SLC24A3: variants seen among roughly 807,000 people sequenced by gnomAD.
SLC24A3 encodes solute carrier family 24 member 3, also known as sodium/potassium/calcium exchanger 3.
Under a neutral mutation model 75.8 loss-of-function variants are expected in SLC24A3, and 28 were observed. That is an observed-to-expected ratio of 0.37 (90% CI 0.27 to 0.51). SLC24A3 has a LOEUF of 0.51. Ranked by LOEUF, SLC24A3 falls within the 20% of genes least tolerant of loss-of-function variation. The pLI is 0.94. For missense variants in SLC24A3, 663 were observed against 847.8 expected (o/e 0.78, Z 2.71); for synonymous variants, 372 against 334.1 (o/e 1.11, Z -1.24).
intron 1 of SLC24A3, among the ~76,000 whole-genome samples, chr20:19,275,300 C>T (rs140491663): frequency 1.3e-5 from 2 of 152,280 alleles, no homozygotes; most frequent in East Asian, 1.9e-4. Flanking sequence ...CATCAGCATT[C>T]CCTGCAAGAG....
chr20:19,715,335 G>A (rs986355277), intron 15 of SLC24A3, among the ~76,000 whole-genome samples: 8 of 152,226 alleles, frequency 5.3e-5, no homozygotes, highest in Non-Finnish European at 1.0e-4. Context: ...GGTTGAGTGT[G>A]TGCATGAAGT....
At chr20:19,336,258 G>A (rs1985130992) in intron 2 of SLC24A3, among the ~76,000 whole-genome samples, 1 of 152,194 alleles carries the variant, frequency 6.6e-6, no homozygotes, top group South Asian at 2.1e-4. Flanking sequence ...AGACACACCT[G>A]TTGGTTTATG....
chr20:19,577,711 TA>T (rs571803453), intron 3 of SLC24A3, among the ~76,000 whole-genome samples: 5 of 152,300 alleles, frequency 3.3e-5, no homozygotes, highest in Non-Finnish European at 7.4e-5. Context: ...GATTATTTAA[TA>T]AAAAAAGACA....
intron 3 of SLC24A3, among the ~76,000 whole-genome samples, chr20:19,560,753 G>T (rs1192724935): frequency 6.6e-6 from 1 of 152,146 alleles, no homozygotes; most frequent in Non-Finnish European, 1.5e-5. Context: ...AGCCCCCACT[G>T]ACCAGACTCT....
intron 3 of SLC24A3, among the ~76,000 whole-genome samples, chr20:19,569,269 A>G (rs140162847): frequency 6.2e-4 from 95 of 152,262 alleles, no homozygotes; most frequent in African/African-American, 2.2e-3. Flanking sequence ...GATGCTTTGC[A>G]CGTACTTGTT....
At chr20:19,449,290 C>T (rs1207720288) in intron 2 of SLC24A3, among the ~76,000 whole-genome samples, 3 of 152,142 alleles carry the variant, frequency 2.0e-5, no homozygotes, top group Admixed American at 6.5e-5. Context: ...GAGAGAGCTC[C>T]GAGGCAGGAA....
chr20:19,380,959 G>T (rs1379256837), intron 2 of SLC24A3, among the ~76,000 whole-genome samples: 2 of 152,104 alleles, frequency 1.3e-5, no homozygotes, highest in African/African-American at 4.8e-5. Flanking sequence ...AATTAGCCAG[G>T]CCAGGACACA....
intron 9 of SLC24A3, among the ~76,000 whole-genome samples, chr20:19,675,192 G>A (rs1314685300): frequency 6.6e-6 from 1 of 152,194 alleles, no homozygotes; most frequent in African/African-American, 2.4e-5. Flanking sequence ...ATGCAGAGAT[G>A]TTCTGTGCTG....
rs144139786 is a variant in SLC24A3, at chr20:19,304,345, G to A, written c.271+23258G>A. On this transcript the variant is annotated intron_variant, in intron 2 of 16. Transcript: ENST00000328041. Reference sequence around the variant, plus strand: ...TCAGGGGCAATTTGCGTAACTTCTCGTAGTTTCCTCATCTTTCAAAGCAGA... The same window carrying A: ...TCAGGGGCAATTTGCGTAACTTCTCATAGTTTCCTCATCTTTCAAAGCAGA... 9.2e-5 allele frequency among the ~76,000 whole-genome samples: 14 copies of A among 152,024 alleles called. No homozygotes were observed. The East Asian group carries it at 1.2e-3, about 13-fold the overall frequency.
At chr20:19,568,582 TG>T (rs2030999222) in intron 3 of SLC24A3, among the ~76,000 whole-genome samples, 1 of 152,130 alleles carries the variant, frequency 6.6e-6, no homozygotes. Flanking sequence ...AGGAGAATGA[TG>T]GTTACCAGAG....
In SLC24A3 at chr20:19,339,826, A is replaced by G. The variant is rs191019408; in HGVS notation, c.271+58739A>G. On this transcript the variant is annotated intron_variant, in intron 2 of 16. Transcript: ENST00000328041. ...TGATAAATTAGGCTTAACCAACAGC[A>G]CATTGGGTAGAGAGAAGAAGGGAGG... Among the ~76,000 whole-genome samples, 18 of 152,384 alleles carry G rather than the reference A, an allele frequency of 1.2e-4. No homozygotes were observed. In the East Asian group the frequency reaches 3.5e-3, roughly 29 times the overall value.
At chr20:19,465,989 T>G (rs1230042757) in intron 2 of SLC24A3, among the ~76,000 whole-genome samples, 1 of 152,226 alleles carries the variant, frequency 6.6e-6, no homozygotes, top group South Asian at 2.1e-4. Context: ...TAGGTAGTCA[T>G]TCTCCTTGTC....
intron 3 of SLC24A3, among the ~76,000 whole-genome samples, chr20:19,565,383 G>A (rs78096262): frequency 1.7e-3 from 244 of 145,274 alleles, no homozygotes; most frequent in African/African-American, 5.7e-3. Context: ...GAGTGAGAAC[G>A]ACCTGGGAAT....
chr20:19,603,216 C>G (rs2031551156), intron 6 of SLC24A3, among the ~76,000 whole-genome samples: 1 of 152,126 alleles, frequency 6.6e-6, no homozygotes, highest in Non-Finnish European at 1.5e-5. Flanking sequence ...ATTCCCTGGT[C>G]CTGGCTTAAC....
chr20:19,575,668 G>C (rs1031970576), intron 3 of SLC24A3, among the ~76,000 whole-genome samples: 6 of 152,252 alleles, frequency 3.9e-5, no homozygotes, highest in African/African-American at 1.4e-4. Context: ...GCCAAGCCAT[G>C]GGCTTGGATT....
chr20:19,352,615 G>C (rs1288101947), intron 2 of SLC24A3, among the ~76,000 whole-genome samples: 1 of 152,190 alleles, frequency 6.6e-6, no homozygotes, highest in Non-Finnish European at 1.5e-5. Context: ...AGAAGAGTTG[G>C]AATTTGAACT....
intron 2 of SLC24A3, among the ~76,000 whole-genome samples, chr20:19,472,352 A>T (rs1446756855): frequency 6.6e-6 from 1 of 152,222 alleles, no homozygotes; most frequent in East Asian, 1.9e-4. Flanking sequence ...GTTGGTGCAG[A>T]TTTAGTCTAT....
At chr20:19,708,011 A>T (rs2032948364) in intron 15 of SLC24A3, among the ~76,000 whole-genome samples, 2 of 151,844 alleles carry the variant, frequency 1.3e-5, no homozygotes, top group Admixed American at 6.6e-5. Flanking sequence ...ACATGTCGTG[A>T]TGTTGGATGG....
rs59907088 is a variant in SLC24A3, at chr20:19,464,342, G to A, written c.272-51146G>A. Among the ~76,000 whole-genome samples the A allele has an allele frequency of 1.7e-3, 263 of 152,284 alleles. 1 individual carries two copies. Among genetic ancestry groups the A allele is most frequent in the African/African-American group, 6.0e-3 (251 of 41,562 alleles). On this transcript the variant is annotated intron_variant, in intron 2 of 16. Transcript: ENST00000328041. ...AGGCTCTCAGTTCAAGAGCACATGC[G>A]TGCATATTAATGCATTCATACCACA...
Sources: gnomAD v4.1 joint callset for allele counts (sites outside exome capture counted in the v4.1 genomes callset) on GRCh38, gnomAD v4.1.1 for gene constraint, MANE v1.5 for transcripts, NCBI Gene and HGNC (gene_info 2026-07-23, HGNC 2026-07-21) for gene names.